Variants in LHPP observed in about 807,000 individuals in gnomAD.
LHPP encodes hLHPP.
A neutral mutation model predicts 30.3 loss-of-function variants in LHPP; 24 were observed. The observed-to-expected ratio is 0.79, with a 90% CI of 0.57 to 1.11. The LOEUF is 1.11. LHPP is among the 50% of genes most tolerant of loss of function. The pLI, the probability that LHPP is intolerant of heterozygous loss-of-function variation, is 0.00. For missense variants in LHPP, 356 were observed against 367.2 expected (o/e 0.97, Z 0.25); for synonymous variants, 150 against 157.1 (o/e 0.95, Z 0.34).
intron 6 of LHPP, among the ~76,000 whole-genome samples, chr10:124,528,272 T>TCCAC (rs1954796621): frequency 6.6e-6 from 1 of 152,270 alleles, no homozygotes; most frequent in Non-Finnish European, 1.5e-5. Flanking sequence ...TGGGGTTCTG[T>TCCAC]CCACCCCGTG....
chr10:124,513,127 T>A (rs1589817147), intron 5 of LHPP, among the ~76,000 whole-genome samples: 2 of 152,056 alleles, frequency 1.3e-5, no homozygotes, highest in South Asian at 2.1e-4. Context: ...TTTGCTCTTC[T>A]CGCCCAGGCT....
intron 2 of LHPP, among the ~76,000 whole-genome samples, chr10:124,488,079 C>A (rs1953395257): frequency 6.6e-6 from 1 of 152,184 alleles, no homozygotes; most frequent in Non-Finnish European, 1.5e-5. Flanking sequence ...TGCAGGCTCT[C>A]AGTGTCTTCT....
Position 124,613,367 on chromosome 10 carries a change from C to T in LHPP, c.*7C>T, listed in dbSNP as rs1294853323. ...GCAGCACGCCGACAAGTGATGGCCT[C>T]CTGGGAGAGCCCCGCCTCCTCCACC... On this transcript the variant is annotated 3_prime_UTR_variant, in exon 7 of 7. Coordinates refer to ENST00000368842, the MANE Select transcript of LHPP (RefSeq NM_022126.4). 2 of 1,604,758 alleles carry T rather than the reference C, an allele frequency of 1.2e-6. No individual in the cohort carries two copies. The highest frequency in any genetic ancestry group is 1.1e-5 in the South Asian group (1 of 90,936).
In LHPP at chr10:124,573,586, C is replaced by T. The variant is rs756370140; in HGVS notation, c.717-39678C>T. The stretch of plus-strand genomic sequence containing the variant: ...TTGGCCTCCCAAAGTGCTGGGATTA[C>T]AGGCATGAACCACTATATCCAGTCT... On this transcript the variant is annotated intron_variant, in intron 6 of 6. Transcript: ENST00000368842. Among the ~76,000 whole-genome samples, 38 of 152,258 alleles carry T rather than the reference C, an allele frequency of 2.5e-4. 1 individual carries two copies. The highest frequency in any genetic ancestry group is 5.4e-4 in the Non-Finnish European group (37 of 68,050).
chr10:124,567,068 G>A (rs1025796225), intron 6 of LHPP, among the ~76,000 whole-genome samples: 1 of 152,202 alleles, frequency 6.6e-6, no homozygotes, highest in Admixed American at 6.5e-5. Flanking sequence ...CAGGTGGCCT[G>A]AGGAGAGGGG....
chr10:124,515,023 G>A (rs947573587), intron 5 of LHPP, among the ~76,000 whole-genome samples: 11 of 151,702 alleles, frequency 7.3e-5, no homozygotes, highest in Non-Finnish European at 1.5e-4. Context: ...GCTGGCCTTG[G>A]ACTCCTGGGC....
chr10:124,471,552 A>G lies in LHPP; in HGVS notation c.125+9565A>G, dbSNP rs1261100177. ...ATATATATTTATATATATTTTATAT[A>G]TATTTATATATATATAAATTTTTTT... On this transcript the variant is annotated intron_variant, in intron 1 of 6. Coordinates refer to ENST00000368842, the MANE Select transcript of LHPP (RefSeq NM_022126.4). Among the ~76,000 whole-genome samples the G allele has an allele frequency of 3.8e-5, 2 of 52,344 alleles. 1 individual carries two copies. Among genetic ancestry groups the G allele is most frequent in the Non-Finnish European group, 7.4e-5 (2 of 27,028 alleles). The allele number at this position is 52,344 out of a possible 152,430, so 34.3% of individuals were successfully genotyped here. A position where few individuals can be genotyped will look rare whatever the true frequency, so the allele number is the denominator to read the frequency against.
chr10:124,478,540 A>T lies in LHPP; in HGVS notation c.126-5599A>T, dbSNP rs1295931788. Among the ~76,000 whole-genome samples, 1 of 152,222 alleles carries T rather than the reference A, an allele frequency of 6.6e-6. No individual in the cohort carries two copies. The highest frequency in any genetic ancestry group is 1.5e-5 in the Non-Finnish European group (1 of 68,030). Reference sequence around the variant, plus strand: ...CCCAAGGTCACTCAGGATGTCCAATAATTGTCCTAACAGTTTACCTGCTGT... The same window carrying T: ...CCCAAGGTCACTCAGGATGTCCAATTATTGTCCTAACAGTTTACCTGCTGT... On this transcript the variant is annotated intron_variant, in intron 1 of 6. Transcript: ENST00000368842. This position sits in a 1 kb window ranked among gnomAD's most constrained non-coding sequence, Gnocchi z 4.7.
chr10:124,473,835 T>C (rs185797948), intron 1 of LHPP, among the ~76,000 whole-genome samples: 11 of 152,104 alleles, frequency 7.2e-5, no homozygotes, highest in Middle Eastern at 3.4e-3. Flanking sequence ...GCACCTCTAA[T>C]ACCAACTACT....
intron 6 of LHPP, among the ~76,000 whole-genome samples, chr10:124,581,756 CATAT>C (rs1179178725): frequency 9.5e-6 from 1 of 105,232 alleles, no homozygotes; most frequent in African/African-American, 3.7e-5. Context: ...TTAATACATA[CATAT>C]ATGTATATAC....
intron 5 of LHPP, among the ~76,000 whole-genome samples, chr10:124,505,685 T>C (rs1408519681): frequency 6.6e-6 from 1 of 152,224 alleles, no homozygotes; most frequent in Non-Finnish European, 1.5e-5. Flanking sequence ...GGTTTAAGCT[T>C]CTGAATCAGT....
At chr10:124,464,197 A>G (rs1952493254) in intron 1 of LHPP, among the ~76,000 whole-genome samples, 1 of 152,160 alleles carries the variant, frequency 6.6e-6, no homozygotes, top group Non-Finnish European at 1.5e-5. Context: ...CCAGGTCAGC[A>G]CTGCCATGTG....
At position 124,496,392 on chromosome 10, in the gene LHPP, C is replaced by T. The variant is rs76758569; in HGVS notation, c.468-569C>T. Among the ~76,000 whole-genome samples, 1,197 of 152,290 alleles carry T rather than the reference C, an allele frequency of 7.9e-3. 6 individuals are homozygous for T. The highest frequency in any genetic ancestry group is 0.012 in the Non-Finnish European group (826 of 68,024). Reference sequence around the variant, plus strand: ...TGCTCCCTCGTGCAGAGCCTGTCTCCACCTCCATGAGACGGGAAGGAACAG... The same window carrying T: ...TGCTCCCTCGTGCAGAGCCTGTCTCTACCTCCATGAGACGGGAAGGAACAG... On this transcript the variant is annotated intron_variant, in intron 3 of 6. Coordinates refer to ENST00000368842, the MANE Select transcript of LHPP (RefSeq NM_022126.4). The surrounding 1 kb of genome is among the most constrained non-coding windows in gnomAD (Gnocchi z 4.3).
chr10:124,553,380 A>G (rs1948217042), intron 6 of LHPP, among the ~76,000 whole-genome samples: 1 of 149,344 alleles, frequency 6.7e-6, no homozygotes, highest in Admixed American at 6.7e-5. Flanking sequence ...GATGCACCTG[A>G]GCTCGGACTG....
In LHPP at chr10:124,524,529, G is replaced by GA. The variant is rs1378706470; in HGVS notation, c.716+7259dup. Among the ~76,000 whole-genome samples, 6 of 152,160 alleles carry GA rather than the reference G, an allele frequency of 3.9e-5. No homozygotes were observed. In the South Asian group the frequency reaches 1.2e-3, roughly 32 times the overall value. On this transcript the variant is annotated intron_variant, in intron 6 of 6. Coordinates refer to ENST00000368842, the MANE Select transcript of LHPP (RefSeq NM_022126.4). The stretch of plus-strand genomic sequence containing the variant: ...TGACCTCAAATGATCCCCCCGCCTT[G>GA]ACCTCCCAAAGTGCTGGGATTACAG...
intron 5 of LHPP, among the ~76,000 whole-genome samples, chr10:124,500,385 T>G (rs1953863449): frequency 6.6e-6 from 1 of 151,910 alleles, no homozygotes; most frequent in Non-Finnish European, 1.5e-5. Flanking sequence ...GGCAGGAGAA[T>G]TGCTTGAGCC....
chr10:124,540,848 G>T (rs923758668), intron 6 of LHPP, among the ~76,000 whole-genome samples: 1 of 152,214 alleles, frequency 6.6e-6, no homozygotes, highest in African/African-American at 2.4e-5. Flanking sequence ...TCTCCCGGGA[G>T]TTGGATCCAG....
At chr10:124,472,587 C>G (rs1952817192) in intron 1 of LHPP, among the ~76,000 whole-genome samples, 1 of 147,514 alleles carries the variant, frequency 6.8e-6, no homozygotes, top group Admixed American at 6.8e-5. Context: ...GAGACGCAGT[C>G]TCGCTCTGTC....
intron 1 of LHPP, among the ~76,000 whole-genome samples, chr10:124,479,576 GTTTCTGGTGAGGCCCCT>G (rs150722177): frequency 0.018 from 2,676 of 152,318 alleles, 88 homozygotes; most frequent in East Asian, 0.14. Flanking sequence ...GGCATGGCCA[GTTTCTGGTGAGGCCCCT>G]TTTCTGGGCT....
Sources: gnomAD v4.1 joint callset for allele counts (sites outside exome capture counted in the v4.1 genomes callset) on GRCh38, gnomAD v4.1.1 for gene constraint, Gnocchi (gnomAD v3.1) non-coding constraint, MANE v1.5 for transcripts, NCBI Gene and HGNC (gene_info 2026-07-23, HGNC 2026-07-21) for gene names.